The following CD46 variants were observed in gnomAD, a reference collection of about 807,000 sequenced individuals.
CD46 encodes the protein membrane cofactor protein.
In CD46, 30 loss-of-function variants were observed where a neutral mutation model predicts 53.3. The ratio of observed to expected loss-of-function variants is 0.56; its 90% confidence interval spans 0.42 to 0.76. The LOEUF is 0.76. Among genes scored for constraint, CD46 ranks in the 30% least tolerant of loss-of-function variants. The probability of loss-of-function intolerance (pLI) is 0.00; values close to 1 mark genes in which losing one functional copy is unlikely to be tolerated. For missense variants in CD46, 409 were observed against 463.0 expected, an observed-to-expected ratio of 0.88 and a Z score of 1.07; for synonymous variants, 142 against 152.0, an observed-to-expected ratio of 0.93 and a Z score of 0.48.
At chr1:207,781,700 C>A (rs998449458) in intron 8 of CD46, among the ~76,000 whole-genome samples, 1 of 152,096 alleles carries the variant, frequency 6.6e-6, no homozygotes, top group Admixed American at 6.5e-5. Flanking sequence ...TTTGACTGTT[C>A]CTTGTCACGC....
chr1:207,790,562 TAG>T (rs1314271477), intron 12 of CD46, among the ~76,000 whole-genome samples: 3 of 152,216 alleles, frequency 2.0e-5, no homozygotes, highest in Non-Finnish European at 4.4e-5. Context: ...AGGCTTTAAA[TAG>T]AGTTATGTTC....
intron 4 of CD46, chr1:207,761,017 A>G (rs1324083652): frequency 1.4e-5 from 7 of 514,912 alleles, no homozygotes; most frequent in Middle Eastern, 5.3e-4. Flanking sequence ...AACCATATCA[A>G]TAGGTATTTA....
At chr1:207,785,811 T>A (rs551573618) in intron 11 of CD46, 129 bp downstream of exon 11, 28 of 699,146 alleles carry the variant, frequency 4.0e-5, no homozygotes, top group Admixed American at 1.1e-4. Context: ...CCTGCATTAG[T>A]TTGTCCTACC....
intron 5 of CD46, 56 bp downstream of exon 5, chr1:207,761,502 AAATAGTTTCATCTACAGAT>A: frequency 2.1e-6 from 3 of 1,419,030 alleles, no homozygotes; most frequent in Non-Finnish European, 3.0e-6. Flanking sequence ...AACATTTTGT[AAATAGTTTCATCTACAGAT>A]AAACAAAGCA....
chr1:207,756,944 G>A, intron 1 of CD46, 70 bp from the exon 2 acceptor site: 2 of 1,326,012 alleles, frequency 1.5e-6, no homozygotes, highest in Non-Finnish European at 2.2e-6. Flanking sequence ...CCTGCTGCCA[G>A]ACCACAGTCC....
intron 1 of CD46, among the ~76,000 whole-genome samples, 187 bp from the exon 2 acceptor site, chr1:207,756,827 C>T (rs895388667): frequency 6.6e-5 from 10 of 152,218 alleles, no homozygotes; most frequent in African/African-American, 2.4e-4. Context: ...TAGGATGTTA[C>T]TTAAAACATG....
In CD46 at chr1:207,766,734, A is replaced by G. The variant is rs1028975671; in HGVS notation, c.674-279A>G. 5.3e-5 allele frequency among the ~76,000 whole-genome samples: 8 copies of G among 152,316 alleles called. No individual in the cohort carries two copies. In the East Asian group the frequency reaches 1.5e-3, roughly 29 times the overall value. On this transcript the variant is annotated intron_variant, in intron 5 of 12. Transcript: ENST00000367042. ...AACAACAAAAACCCGTATTACATTT[A>G]GGAGGGCAGGGACAAGTAAGAATGA...
intron 8 of CD46, among the ~76,000 whole-genome samples, chr1:207,777,670 T>G (rs1422066194): frequency 1.3e-5 from 2 of 152,202 alleles, no homozygotes; most frequent in African/African-American, 2.4e-5. Context: ...TACCACATTT[T>G]CTTTATCCAG....
At chr1:207,788,835 A>G (rs567378966) in intron 11 of CD46, among the ~76,000 whole-genome samples, 15 of 152,374 alleles carry the variant, frequency 9.8e-5, no homozygotes, top group Middle Eastern at 3.4e-3. Flanking sequence ...GAGTCATTTT[A>G]AGATCATCCA....
Position 207,761,298 on chromosome 1 carries a change from T to A in CD46, c.525T>A (p.Phe175Leu). 1 of 1,613,328 alleles carries A rather than the reference T, an allele frequency of 6.2e-7. No individual in the cohort carries two copies. Among genetic ancestry groups the A allele is most frequent in the Non-Finnish European group, 8.5e-7 (1 of 1,179,300 alleles). ...PPKIKNGKHT[F>L]SEVEVFEYLD... The stretch of plus-strand genomic sequence containing the variant: ...AAATAAAAAATGGAAAACACACCTT[T>A]AGTGAAGTAGAAGTATTTGAGTATC... The change falls in exon 5 of 13, where the codon TTT (phenylalanine) becomes TTA (leucine). Residue 175 changes from phenylalanine (F) to leucine (L), a missense_variant. Transcript: ENST00000367042.
At chr1:207,767,284 A>G (rs1656967933) in intron 6 of CD46, 89 bp downstream of exon 6, 4 of 1,145,232 alleles carry the variant, frequency 3.5e-6, no homozygotes, top group African/African-American at 1.5e-5. Flanking sequence ...ACTATCAGTC[A>G]TACAAAATAA....
intron 8 of CD46, among the ~76,000 whole-genome samples, chr1:207,774,955 C>T (rs1001284375): frequency 4.6e-5 from 7 of 152,180 alleles, no homozygotes; most frequent in African/African-American, 1.2e-4. Context: ...GGGAAGTCCT[C>T]GTGGACAATA....
chr1:207,770,390 T>C, intron 8 of CD46, 28 bp downstream of exon 8: 2 of 1,444,336 alleles, frequency 1.4e-6, no homozygotes, highest in South Asian at 1.2e-5. Context: ...CCTACTGATA[T>C]TGTTAAGAAT....
At position 207,757,523 on chromosome 1, in the gene CD46, A is replaced by G. The variant is rs1429562916; in HGVS notation, c.287-17A>G. The G allele has an allele frequency of 1.5e-5, 23 of 1,517,270 alleles. No homozygotes were observed. Among genetic ancestry groups the G allele is most frequent in the Non-Finnish European group, 2.0e-5 (22 of 1,098,134 alleles). The allele number at this position is 1,517,270 out of a possible 1,614,324, so 94.0% of individuals were successfully genotyped here. On this transcript the variant is annotated splice_polypyrimidine_tract_variant and intron_variant, in intron 2 of 12. Coordinates refer to ENST00000367042, the MANE Select transcript of CD46 (RefSeq NM_172351.3). ...TTTATAACTGGATTGAAAACTATCA[A>G]AATTATTTTCTTTCAGGAGAAACAT...
intron 1 of CD46, among the ~76,000 whole-genome samples, chr1:207,753,341 T>G (rs1210459217): frequency 6.6e-6 from 1 of 152,258 alleles, no homozygotes; most frequent in African/African-American, 2.4e-5. Context: ...ACTAAATTTA[T>G]TTTGTATTTC....
chr1:207,785,636 A>G lies in CD46; in HGVS notation c.1036A>G (p.Ile346Val). 1 of 1,610,908 alleles carries G rather than the reference A, an allele frequency of 6.2e-7. No homozygotes were observed. Among genetic ancestry groups the G allele is most frequent in the Non-Finnish European group, 8.5e-7 (1 of 1,177,312 alleles). The change falls in exon 11 of 13, where the codon ATT becomes GTT. Residue 346 changes from isoleucine to valine, a missense_variant. Physicochemically the swap from Ile to Val is conservative, Grantham distance 29. Transcript: ENST00000367042. ...TCTTATAGTTGTTGGAGTTGCAGTA[A>G]TTTGTGTTGTCCCGTACAGATATCT... ...VIAIVVGVAV[I>V]CVVPYRYLQR...
Position 207,757,116 on chromosome 1 carries a change from G to T in CD46, c.200G>T (p.Gly67Val), listed in dbSNP as rs1454458870. The change falls in exon 2 of 13, where the codon GGA (glycine) becomes GTA (valine). Residue 67 changes from glycine to valine, a missense_variant. Coordinates refer to ENST00000367042, the MANE Select transcript of CD46 (RefSeq NM_172351.3). The stretch of plus-strand genomic sequence containing the variant: ...CGAGTAGATTATAAGTGTAAAAAAG[G>T]ATACTTCTATATACCTCCTCTTGCC... ...GERVDYKCKK[G>V]YFYIPPLATH... The T allele has an allele frequency of 1.2e-6, 2 of 1,613,854 alleles. No homozygotes were observed. Among genetic ancestry groups the T allele is most frequent in the Admixed American group, 3.3e-5 (2 of 60,030 alleles).
intron 5 of CD46, among the ~76,000 whole-genome samples, chr1:207,765,069 T>C (rs1336241764): frequency 6.6e-6 from 1 of 152,166 alleles, no homozygotes; most frequent in African/African-American, 2.4e-5. Context: ...AACCAAATCC[T>C]GTGATACATA....
intron 6 of CD46, chr1:207,767,521 A>T: frequency 9.1e-7 from 1 of 1,100,692 alleles, no homozygotes; most frequent in Non-Finnish European, 1.4e-6. Context: ...TTATCTAAGT[A>T]AGTCAACAAT....
Sources: gnomAD v4.1 joint callset for allele counts (sites outside exome capture counted in the v4.1 genomes callset) on GRCh38, gnomAD v4.1.1 for gene constraint, MANE v1.5 for transcripts, NCBI Gene and HGNC (gene_info 2026-07-23, HGNC 2026-07-21) for gene names.